The following TMEM177 variants were observed in gnomAD, a reference collection of about 807,000 sequenced individuals.
TMEM177 encodes the protein transmembrane protein 177.
A neutral mutation model predicts 14.2 loss-of-function variants in TMEM177; 4 were observed. That is an observed-to-expected ratio of 0.28 (90% CI 0.14 to 0.64). The LOEUF (loss-of-function observed/expected upper bound fraction) is 0.64, where lower values mean the gene tolerates loss of function less well. Ranked by LOEUF, TMEM177 falls within the 30% of genes least tolerant of loss-of-function variation. The pLI is 0.82. For synonymous variants in TMEM177, 179 were observed against 174.5 expected, an observed-to-expected ratio of 1.03 and a Z score of -0.20; for missense variants, 344 against 405.2, an observed-to-expected ratio of 0.85 and a Z score of 1.30.
the TMEM177 span, among the ~76,000 whole-genome samples, chr2:119,703,554 G>C: frequency 6.6e-6 from 1 of 152,198 alleles, no homozygotes; most frequent in Non-Finnish European, 1.5e-5. Flanking sequence ...GGCGTCCAGG[G>C]ATATTTAATG....
chr2:119,703,547 G>A, the TMEM177 span, among the ~76,000 whole-genome samples: 89 of 152,292 alleles, frequency 5.8e-4, no homozygotes, highest in African/African-American at 2.0e-3. Context: ...AAACCCTGGC[G>A]TCCAGGGATA....
downstream of TMEM177, among the ~76,000 whole-genome samples, chr2:119,682,413 C>T (rs1303484284): frequency 6.6e-6 from 1 of 152,128 alleles, no homozygotes; most frequent in Non-Finnish European, 1.5e-5. Context: ...GTGGTCAAAT[C>T]CCAATTTTCC....
At chr2:119,715,247 G>C in the TMEM177 span, among the ~76,000 whole-genome samples, 1 of 152,296 alleles carries the variant, frequency 6.6e-6, no homozygotes, top group African/African-American at 2.4e-5. Context: ...AATTAGACAG[G>C]CATGGTGGCT....
chr2:119,715,874 G>A, the TMEM177 span, among the ~76,000 whole-genome samples: 7 of 152,320 alleles, frequency 4.6e-5, no homozygotes, highest in South Asian at 8.3e-4. Context: ...AGAAGCAGAC[G>A]GGCCAGCAGC....
At chr2:119,695,934 A>AG in the TMEM177 span, among the ~76,000 whole-genome samples, 14 of 152,332 alleles carry the variant, frequency 9.2e-5, no homozygotes, top group South Asian at 6.2e-4. Context: ...CTGGCTCTGC[A>AG]GGGGCCCACT....
the TMEM177 span, among the ~76,000 whole-genome samples, chr2:119,694,104 AAC>A: frequency 0.052 from 3,959 of 75,492 alleles, 55 homozygotes; most frequent in Non-Finnish European, 0.06. Context: ...GGCACACACA[AAC>A]ACATACCACA....
At chr2:119,702,751 TC>T in the TMEM177 span, among the ~76,000 whole-genome samples, 3 of 152,200 alleles carry the variant, frequency 2.0e-5, no homozygotes, top group Non-Finnish European at 2.9e-5. Context: ...GCAGAAGGCT[TC>T]CTGGAGGAGG....
the TMEM177 span, among the ~76,000 whole-genome samples, chr2:119,710,774 AT>A: frequency 7.6e-4 from 113 of 148,372 alleles, 1 homozygote; most frequent in Middle Eastern, 0.01. Flanking sequence ...ACCCCCAGCT[AT>A]TTTTTTTTGT....
At chr2:119,701,481 G>A in the TMEM177 span, among the ~76,000 whole-genome samples, 6 of 152,148 alleles carry the variant, frequency 3.9e-5, no homozygotes, top group African/African-American at 1.4e-4. Flanking sequence ...CATTTCCCTA[G>A]GGGGTCGGGG....
At chr2:119,694,322 ACTCAC>A in the TMEM177 span, among the ~76,000 whole-genome samples, 122 of 149,200 alleles carry the variant, frequency 8.2e-4, 1 homozygote, top group African/African-American at 2.7e-3. Flanking sequence ...CACACACACC[ACTCAC>A]CTCACCTCAC....
chr2:119,702,882 T>C, the TMEM177 span, among the ~76,000 whole-genome samples: 1 of 152,256 alleles, frequency 6.6e-6, no homozygotes, highest in Non-Finnish European at 1.5e-5. Flanking sequence ...ATCCCTTGGA[T>C]GCTCAAAGCC....
the TMEM177 span, among the ~76,000 whole-genome samples, chr2:119,694,348 C>A: frequency 1.5e-4 from 22 of 150,996 alleles, no homozygotes; most frequent in African/African-American, 5.1e-4. Context: ...ACACACACAC[C>A]CACACACACA....
At chr2:119,711,483 A>G in the TMEM177 span, among the ~76,000 whole-genome samples, 1 of 152,178 alleles carries the variant, frequency 6.6e-6, no homozygotes, top group Non-Finnish European at 1.5e-5. Context: ...GAGGAAGAGA[A>G]CTGCAGCCTT....
the TMEM177 span, among the ~76,000 whole-genome samples, chr2:119,706,021 T>TATATATTTA: frequency 6.9e-5 from 5 of 71,984 alleles, no homozygotes; most frequent in East Asian, 4.1e-4. Context: ...TTATATATAT[T>TATATATTTA]TATATATATA....
chr2:119,685,208 G>GCC (rs1212003276), downstream of TMEM177, among the ~76,000 whole-genome samples: 1 of 12,538 alleles, frequency 8.0e-5, no homozygotes, highest in Non-Finnish European at 1.5e-4. Context: ...CCCCTCCTCA[G>GCC]CCCGCCCCCC....
chr2:119,710,279 G>C, the TMEM177 span, among the ~76,000 whole-genome samples: 8 of 152,208 alleles, frequency 5.3e-5, no homozygotes, highest in Non-Finnish European at 1.0e-4. Flanking sequence ...AAATTCCCCG[G>C]AGTTTATAGG....
At chr2:119,683,150 A>G (rs1177150153), downstream of TMEM177, among the ~76,000 whole-genome samples, 1 of 152,212 alleles carries the variant, frequency 6.6e-6, no homozygotes, top group Non-Finnish European at 1.5e-5. Context: ...TGCAGAATGC[A>G]GTGGGAATGG....
At chr2:119,718,254 G>A in the TMEM177 span, among the ~76,000 whole-genome samples, 3 of 152,318 alleles carry the variant, frequency 2.0e-5, no homozygotes, top group East Asian at 3.9e-4. Context: ...TTACCAAGCT[G>A]TGTCAGGCTG....
At chr2:119,722,723 T>G in the TMEM177 span, among the ~76,000 whole-genome samples, 1 of 152,226 alleles carries the variant, frequency 6.6e-6, no homozygotes, top group Non-Finnish European at 1.5e-5. Context: ...ACAAATATAG[T>G]TCTTTCACCC....
Sources: allele counts gnomAD v4.1 joint callset (sites outside exome capture counted in the v4.1 genomes callset), GRCh38; gene constraint gnomAD v4.1.1; transcripts MANE v1.5; gene names NCBI Gene and HGNC (gene_info 2026-07-23, HGNC 2026-07-21).